ANGPT2: variants seen among roughly 807,000 people sequenced by gnomAD.
The protein encoded by ANGPT2 is angiopoietin 2.
ANGPT2 carries 28 observed loss-of-function variants against 62.9 expected under a neutral mutation model. That is an observed-to-expected ratio of 0.44 (90% CI 0.33 to 0.61). The LOEUF (loss-of-function observed/expected upper bound fraction) is 0.61. Among genes scored for constraint, ANGPT2 ranks in the 20% least tolerant of loss-of-function variants. The pLI is 0.03. For missense variants in ANGPT2, 727 were observed against 594.9 expected, an observed-to-expected ratio of 1.22 and a Z score of -2.31; for synonymous variants, 284 against 207.8, an observed-to-expected ratio of 1.37 and a Z score of -3.15.
chr8:6,514,985 A>G (rs1162959282), intron 5 of ANGPT2, among the ~76,000 whole-genome samples: 1 of 152,230 alleles, frequency 6.6e-6, no homozygotes, highest in East Asian at 1.9e-4. Context: ...ATGGTGAAAC[A>G]TAAACAGTAA....
Position 6,551,585 on chromosome 8 carries a change from C to A in ANGPT2, c.288+11062G>T, listed in dbSNP as rs546381719. On this transcript the variant is annotated intron_variant, in intron 1 of 8. Transcript: ENST00000629816. ...TTTTTTTAACTCATAACATTTTTGT[C>A]CCAGTCATCAACACTGTTAAGAACA... Among the ~76,000 whole-genome samples, 19 of 152,088 alleles carry A rather than the reference C, an allele frequency of 1.2e-4. No individual in the cohort carries two copies. The East Asian group carries it at 3.7e-3, about 29-fold the overall frequency.
In ANGPT2 at chr8:6,499,993, C is replaced by G. The variant is rs1586138031; in HGVS notation, c.*3108G>C. The G allele has an allele frequency of 2.1e-6, 3 of 1,399,560 alleles. No individual in the cohort carries two copies. Among genetic ancestry groups the G allele is most frequent in the Non-Finnish European group, 3.0e-6 (3 of 985,972 alleles). 86.7% of individuals were successfully genotyped at this position (1,399,560 alleles called of 1,614,324 possible). On this transcript the variant is annotated 3_prime_UTR_variant, in exon 9 of 9. Transcript: ENST00000629816. ...GCTGTTCTCAAGAAATTATTATAAA[C>G]ATAAGGGTGGACTTAAGTTTTTATC... is the stretch of plus-strand genomic sequence containing the variant.
chr8:6,517,794 G>C (rs1816555517), intron 5 of ANGPT2, among the ~76,000 whole-genome samples: 1 of 152,200 alleles, frequency 6.6e-6, no homozygotes, highest in Non-Finnish European at 1.5e-5. Context: ...GGCAGAGCTA[G>C]AATTTACATC....
chr8:6,545,517 T>G (rs1822427065), intron 1 of ANGPT2, among the ~76,000 whole-genome samples: 1 of 152,214 alleles, frequency 6.6e-6, no homozygotes, highest in African/African-American at 2.4e-5. Flanking sequence ...GGAAAAGTAA[T>G]TTTAAAGTAA....
intron 5 of ANGPT2, 44 bp from the exon 6 acceptor site, chr8:6,514,822 T>C (rs1586273707): frequency 6.6e-7 from 1 of 1,514,856 alleles, no homozygotes; most frequent in Non-Finnish European, 9.1e-7. Flanking sequence ...GCCCCCCCAC[T>C]CCCCCCTTAC....
At chr8:6,551,241 T>G (rs1823599559) in intron 1 of ANGPT2, among the ~76,000 whole-genome samples, 1 of 152,074 alleles carries the variant, frequency 6.6e-6, no homozygotes, top group Non-Finnish European at 1.5e-5. Flanking sequence ...TTTTTTTTTC[T>G]TCTTTCTCAT....
At chr8:6,508,588 A>G (rs1814271367) in intron 8 of ANGPT2, 1 of 442,694 alleles carries the variant, frequency 2.3e-6, no homozygotes, top group African/African-American at 2.0e-5. Context: ...TGGAATTTTT[A>G]ACTTTTTACA....
chr8:6,535,302 T>A (rs1460554513), intron 1 of ANGPT2, among the ~76,000 whole-genome samples: 3 of 152,190 alleles, frequency 2.0e-5, no homozygotes, highest in Non-Finnish European at 2.9e-5. Flanking sequence ...TTGTTTATAA[T>A]TGAAAACTTA....
intron 1 of ANGPT2, among the ~76,000 whole-genome samples, chr8:6,555,792 A>C (rs1285507927): frequency 1.7e-4 from 26 of 152,196 alleles, no homozygotes. Context: ...CTTCTGAACG[A>C]TTAAATAGTT....
chr8:6,516,106 C>G (rs2515428), intron 5 of ANGPT2, among the ~76,000 whole-genome samples: 9,216 of 152,238 alleles, frequency 0.061, 315 homozygotes, highest in African/African-American at 0.079. Flanking sequence ...TGTTTGGAAA[C>G]ATAGGTGCCA....
At chr8:6,536,480 A>G (rs1820523401) in intron 1 of ANGPT2, among the ~76,000 whole-genome samples, 1 of 152,164 alleles carries the variant, frequency 6.6e-6, no homozygotes, top group Non-Finnish European at 1.5e-5. Context: ...CCTTAAGAAA[A>G]CAGACAGACC....
intron 1 of ANGPT2, among the ~76,000 whole-genome samples, chr8:6,557,577 C>T (rs1824837571): frequency 6.6e-6 from 1 of 151,872 alleles, no homozygotes; most frequent in Admixed American, 6.6e-5. Context: ...CTAGATGGGC[C>T]CTGTTTAATT....
intron 2 of ANGPT2, among the ~76,000 whole-genome samples, chr8:6,529,917 C>G (rs1449048859): frequency 6.6e-6 from 1 of 151,112 alleles, no homozygotes; most frequent in East Asian, 1.9e-4. Flanking sequence ...AACACAAGTA[C>G]ATCAAATGCT....
At chr8:6,540,383 A>G (rs777057174) in intron 1 of ANGPT2, among the ~76,000 whole-genome samples, 2 of 152,138 alleles carry the variant, frequency 1.3e-5, no homozygotes, top group Non-Finnish European at 2.9e-5. Flanking sequence ...GTTTAAGGAG[A>G]CTGCTGTAGT....
At chr8:6,547,922 T>G (rs2129574624) in intron 1 of ANGPT2, among the ~76,000 whole-genome samples, 1 of 152,092 alleles carries the variant, frequency 6.6e-6, no homozygotes, top group African/African-American at 2.4e-5. Context: ...TCACTGTGGT[T>G]ACTTCTCTAG....
intron 5 of ANGPT2, among the ~76,000 whole-genome samples, chr8:6,515,444 C>T (rs2515424): frequency 0.41 from 61,997 of 151,926 alleles, 12,905 homozygotes; most frequent in Middle Eastern, 0.52. Flanking sequence ...TGACTTCACG[C>T]TTCTCTGTAC....
At chr8:6,560,144 T>G (rs1398924645) in intron 1 of ANGPT2, among the ~76,000 whole-genome samples, 1 of 152,216 alleles carries the variant, frequency 6.6e-6, no homozygotes, top group Non-Finnish European at 1.5e-5. Context: ...CCTAAAAGTG[T>G]ACGGATTTTG....
At position 6,509,234 on chromosome 8, in the gene ANGPT2, T is replaced by G. The variant is rs977243709; in HGVS notation, c.1197-172A>C. Among the ~76,000 whole-genome samples the G allele has an allele frequency of 3.3e-5, 5 of 152,184 alleles. No individual in the cohort carries two copies. The South Asian group carries it at 1.0e-3, about 32-fold the overall frequency. On this transcript the variant is annotated intron_variant, in intron 7 of 8. Transcript: ENST00000629816. ...GCACTGGTATAAACAGGAACCAACT[T>G]ATCATCAAATCCTTCAGCAAAGAGG... is the stretch of plus-strand genomic sequence containing the variant.
At chr8:6,553,079 A>C (rs1309926735) in intron 1 of ANGPT2, among the ~76,000 whole-genome samples, 1 of 152,264 alleles carries the variant, frequency 6.6e-6, no homozygotes, top group East Asian at 1.9e-4. Context: ...GTACAGCACC[A>C]GATGTCAACT....
Sources: allele counts gnomAD v4.1 joint callset (sites outside exome capture counted in the v4.1 genomes callset), GRCh38; gene constraint gnomAD v4.1.1; transcripts MANE v1.5; gene names NCBI Gene and HGNC (gene_info 2026-07-23, HGNC 2026-07-21).